The following CSMD3 variants were observed in gnomAD, a reference collection of about 807,000 sequenced individuals.
The protein encoded by CSMD3 is CUB and Sushi multiple domains 3, also known as CUB and sushi domain-containing protein 3.
Under a neutral mutation model 435.2 loss-of-function variants are expected in CSMD3, and 177 were observed. The ratio of observed to expected loss-of-function variants is 0.41; its 90% confidence interval spans 0.36 to 0.46. The LOEUF (loss-of-function observed/expected upper bound fraction) is 0.46. Ranked by LOEUF, CSMD3 falls within the 20% of genes least tolerant of loss-of-function variation. The probability of loss-of-function intolerance (pLI) is 0.34; values close to 1 mark genes in which losing one functional copy is unlikely to be tolerated. For synonymous variants in CSMD3, 1,656 were observed against 1,520.5 expected (o/e 1.09, Z -2.07); for missense variants, 4,265 against 4,504.6 (o/e 0.95, Z 1.52).
chr8:112,719,837 A>T (rs1045956236), intron 13 of CSMD3, among the ~76,000 whole-genome samples: 1 of 152,240 alleles, frequency 6.6e-6, no homozygotes, highest in Non-Finnish European at 1.5e-5. Flanking sequence ...ACTTTATTTG[A>T]AATATCTTTC....
At chr8:113,135,168 A>C (rs2091385024) in intron 4 of CSMD3, among the ~76,000 whole-genome samples, 3 of 152,016 alleles carry the variant, frequency 2.0e-5, no homozygotes, top group African/African-American at 7.2e-5. Context: ...TTGGCATTGT[A>C]TACCTGACAC....
chr8:112,288,706 T>C (rs1819468331), intron 57 of CSMD3, among the ~76,000 whole-genome samples: 2 of 151,882 alleles, frequency 1.3e-5, no homozygotes, highest in South Asian at 4.1e-4. Flanking sequence ...ATGGTGTTTT[T>C]GAAAAAAAGT....
At chr8:112,567,625 C>T (rs1245134257) in intron 24 of CSMD3, among the ~76,000 whole-genome samples, 1 of 151,962 alleles carries the variant, frequency 6.6e-6, no homozygotes, top group African/African-American at 2.4e-5. Context: ...TATAACTTAG[C>T]CTTTAGAGAG....
chr8:112,695,589 A>T (rs1047901382), intron 13 of CSMD3, among the ~76,000 whole-genome samples: 1 of 152,238 alleles, frequency 6.6e-6, no homozygotes, highest in Non-Finnish European at 1.5e-5. Context: ...TCTAAAAATA[A>T]TAAGAGCTAT....
chr8:112,983,743 G>A (rs1212733024), intron 6 of CSMD3, among the ~76,000 whole-genome samples: 1 of 151,732 alleles, frequency 6.6e-6, no homozygotes, highest in Admixed American at 6.6e-5. Flanking sequence ...TGATCCATAT[G>A]ATTGTTAAAT....
chr8:112,857,492 A>G lies in CSMD3; in HGVS notation c.1755+1653T>C, dbSNP rs554057037. On this transcript the variant is annotated intron_variant, in intron 11 of 70. Transcript: ENST00000297405. ...TACATGTAATTGCGAAGACAAAACA[A>G]TATCTCCATCTCAATGCAAGATTAA... is the stretch of plus-strand genomic sequence containing the variant. Among the ~76,000 whole-genome samples the G allele has an allele frequency of 7.2e-4, 110 of 151,868 alleles. 1 individual carries two copies. Among genetic ancestry groups the G allele is most frequent in the African/African-American group, 2.5e-3 (105 of 41,536 alleles).
At chr8:113,302,308 A>ATT (rs2093778525) in intron 2 of CSMD3, among the ~76,000 whole-genome samples, 4 of 141,518 alleles carry the variant, frequency 2.8e-5, no homozygotes, top group African/African-American at 1.0e-4. Flanking sequence ...TAATATATAT[A>ATT]TTATATATAT....
At chr8:113,338,079 AAAC>A (rs1264103888) in intron 1 of CSMD3, among the ~76,000 whole-genome samples, 4 of 152,006 alleles carry the variant, frequency 2.6e-5, no homozygotes, top group African/African-American at 9.6e-5. Flanking sequence ...ATAACTCTTA[AAAC>A]AACAATAAAA....
intron 24 of CSMD3, among the ~76,000 whole-genome samples, chr8:112,570,279 A>G (rs1829398849): frequency 6.6e-6 from 1 of 152,220 alleles, no homozygotes; most frequent in Admixed American, 6.5e-5. Context: ...ATACAATTGA[A>G]CTAAATGGAC....
intron 35 of CSMD3, among the ~76,000 whole-genome samples, chr8:112,391,466 G>A (rs1830405754): frequency 6.6e-6 from 1 of 152,090 alleles, no homozygotes; most frequent in Non-Finnish European, 1.5e-5. Flanking sequence ...GGGAGGCTGA[G>A]GAGGCTCACC....
intron 8 of CSMD3, among the ~76,000 whole-genome samples, chr8:112,949,833 C>T (rs1417374334): frequency 6.6e-6 from 1 of 152,024 alleles, no homozygotes; most frequent in Non-Finnish European, 1.5e-5. Context: ...TGTCTGTTCG[C>T]TGTTCTGCAA....
At chr8:112,995,150 C>T (rs573991766) in intron 6 of CSMD3, among the ~76,000 whole-genome samples, 1 of 150,848 alleles carries the variant, frequency 6.6e-6, no homozygotes, top group Non-Finnish European at 1.5e-5. Flanking sequence ...AAAATAGCTA[C>T]AATTAAGAGA....
At chr8:112,497,006 G>A (rs1194580700) in intron 30 of CSMD3, among the ~76,000 whole-genome samples, 5 of 152,074 alleles carry the variant, frequency 3.3e-5, no homozygotes, top group Admixed American at 1.3e-4. Context: ...TGGAAACCCC[G>A]TTTACCCTCG....
intron 23 of CSMD3, among the ~76,000 whole-genome samples, chr8:112,586,856 TA>T (rs35354905): frequency 0.57 from 86,606 of 150,826 alleles, 25,379 homozygotes; most frequent in African/African-American, 0.68. Flanking sequence ...CCTTTTATTA[TA>T]AAAAAATTGG....
At chr8:112,528,011 A>G (rs1350726550) in intron 27 of CSMD3, among the ~76,000 whole-genome samples, 2 of 152,202 alleles carry the variant, frequency 1.3e-5, no homozygotes, top group African/African-American at 4.8e-5. Flanking sequence ...TGACCTAAAT[A>G]CAAGGTCCTG....
intron 4 of CSMD3, among the ~76,000 whole-genome samples, chr8:113,157,178 G>T (rs1271001188): frequency 6.6e-6 from 1 of 152,064 alleles, no homozygotes; most frequent in African/African-American, 2.4e-5. Context: ...TAAACATAGA[G>T]TATTGGGGTT....
At chr8:112,318,266 A>C (rs1822662483) in intron 47 of CSMD3, among the ~76,000 whole-genome samples, 1 of 151,780 alleles carries the variant, frequency 6.6e-6, no homozygotes, top group Non-Finnish European at 1.5e-5. Context: ...CCTACCCCAC[A>C]ACCGGTTAAA....
At chr8:113,278,819 C>A in intron 2 of CSMD3, 115 bp from the exon 3 acceptor site, 1 of 650,484 alleles carries the variant, frequency 1.5e-6, no homozygotes, top group Non-Finnish European at 2.8e-6. Flanking sequence ...CCTATAATTT[C>A]CAGAAGGAAT....
chr8:112,830,315 C>A (rs1165063838), intron 11 of CSMD3, among the ~76,000 whole-genome samples: 3 of 151,958 alleles, frequency 2.0e-5, no homozygotes, highest in Non-Finnish European at 4.4e-5. Flanking sequence ...TTTTATGTAT[C>A]GTTTGGTAAA....
Sources: allele counts gnomAD v4.1 joint callset (sites outside exome capture counted in the v4.1 genomes callset), GRCh38; gene constraint gnomAD v4.1.1; transcripts MANE v1.5; gene names NCBI Gene and HGNC (gene_info 2026-07-23, HGNC 2026-07-21).